FHDC1: variants seen among roughly 807,000 people sequenced by gnomAD.
FHDC1 encodes the protein FH2 domain-containing protein 1.
In FHDC1, 25 loss-of-function variants were observed where a neutral mutation model predicts 52.6. The ratio of observed to expected loss-of-function variants is 0.48; its 90% CI spans 0.35 to 0.66. The LOEUF (loss-of-function observed/expected upper bound fraction) is 0.66. FHDC1 is among the 30% of genes least tolerant of loss of function. FHDC1 has a pLI of 0.01. For synonymous variants in FHDC1, 616 were observed against 581.5 expected (o/e 1.06, Z -0.85); for missense variants, 1,459 against 1,452.8 (o/e 1.00, Z -0.07).
In FHDC1 at chr4:152,957,533, C is replaced by T. The variant is rs369688618; in HGVS notation, c.664-3032C>T. Among the ~76,000 whole-genome samples, 83 of 152,360 alleles carry T rather than the reference C, an allele frequency of 5.4e-4. 1 individual carries two copies. Among genetic ancestry groups the T allele is most frequent in the African/African-American group, 6.5e-4 (27 of 41,576 alleles). ...CCCAGTGTGGTTCTGCTGCACTCCA[C>T]TGCCTGCCTTGGAGGAAGGAAGGGC... is the stretch of plus-strand genomic sequence containing the variant. On this transcript the variant is annotated intron_variant, in intron 4 of 11. Coordinates refer to ENST00000511601, the MANE Select transcript of FHDC1 (RefSeq NM_001371116.1).
chr4:152,972,570 G>T, intron 11 of FHDC1, 29 bp downstream of exon 11: 1 of 1,580,514 alleles, frequency 6.3e-7, no homozygotes, highest in Non-Finnish European at 8.6e-7. Context: ...GTGTCTTGGG[G>T]TTGTTTGGAT....
chr4:152,917,465 A>G, the FHDC1 span, among the ~76,000 whole-genome samples: 1 of 152,200 alleles, frequency 6.6e-6, no homozygotes, highest in Non-Finnish European at 1.5e-5. Context: ...GCATTCCTCA[A>G]ATAAGTAAAG....
intron 4 of FHDC1, among the ~76,000 whole-genome samples, chr4:152,959,995 CG>C (rs1392204090): frequency 1.3e-5 from 2 of 152,148 alleles, no homozygotes; most frequent in Non-Finnish European, 2.9e-5. Context: ...AGAGCAGATG[CG>C]TACTCACCTG....
At chr4:152,919,944 C>CT in the FHDC1 span, among the ~76,000 whole-genome samples, 519 of 70,312 alleles carry the variant, frequency 7.4e-3, 26 homozygotes, top group Middle Eastern at 0.02. Flanking sequence ...TAGGGAAGTT[C>CT]TTTTTTTTTT....
At chr4:152,944,093 G>A (rs1739657193) in intron 2 of FHDC1, among the ~76,000 whole-genome samples, 1 of 152,140 alleles carries the variant, frequency 6.6e-6, no homozygotes, top group Non-Finnish European at 1.5e-5. Flanking sequence ...TATGGCCATT[G>A]GGGAACAGAG....
chr4:152,916,506 A>C, the FHDC1 span, among the ~76,000 whole-genome samples: 1 of 152,172 alleles, frequency 6.6e-6, no homozygotes, highest in Admixed American at 6.5e-5. Context: ...TTGTTGAAAT[A>C]AGTGGGTGGA....
chr4:152,939,926 A>G (rs1739529644), intron 1 of FHDC1, among the ~76,000 whole-genome samples: 2 of 152,130 alleles, frequency 1.3e-5, no homozygotes, highest in African/African-American at 4.8e-5. Context: ...GGCTAATCCC[A>G]TTGTCCCTAC....
intron 8 of FHDC1, 54 bp from the exon 9 acceptor site, chr4:152,964,851 T>G: frequency 6.9e-7 from 1 of 1,459,682 alleles, no homozygotes; most frequent in Non-Finnish European, 9.5e-7. Flanking sequence ...CTAAGAAAAT[T>G]ATTTCCTTCC....
chr4:152,946,529 C>G (rs553092851), intron 2 of FHDC1, among the ~76,000 whole-genome samples: 1 of 152,194 alleles, frequency 6.6e-6, no homozygotes, highest in Non-Finnish European at 1.5e-5. Flanking sequence ...GGGTTCTTGT[C>G]TAACAAAGAT....
At chr4:152,920,382 T>A in the FHDC1 span, among the ~76,000 whole-genome samples, 4 of 152,172 alleles carry the variant, frequency 2.6e-5, no homozygotes, top group Non-Finnish European at 5.9e-5. Context: ...AAAGGTAGAA[T>A]AGTATATGAC....
chr4:152,947,499 G>A (rs943247982), intron 2 of FHDC1, among the ~76,000 whole-genome samples: 3 of 152,144 alleles, frequency 2.0e-5, no homozygotes, highest in Non-Finnish European at 4.4e-5. Context: ...CAGGCCCCCT[G>A]GGAGCCTTCC....
intron 4 of FHDC1, among the ~76,000 whole-genome samples, chr4:152,957,338 A>G (rs750805536): frequency 6.6e-6 from 1 of 152,158 alleles, no homozygotes; most frequent in Non-Finnish European, 1.5e-5. Flanking sequence ...AATCATAGCT[A>G]TGATTCTTTT....
At chr4:152,970,925 C>G (rs1382325169) in intron 10 of FHDC1, among the ~76,000 whole-genome samples, 1 of 152,196 alleles carries the variant, frequency 6.6e-6, no homozygotes, top group Non-Finnish European at 1.5e-5. Context: ...AAGTGGGCAA[C>G]TTTAGCTTTA....
In FHDC1 at chr4:152,975,968, A is replaced by C. The variant is rs1291492138; in HGVS notation, c.2677A>C (p.Thr893Pro). ...SQGAVAKSVRTLTASENESMR... is the reference protein window; with the variant it reads ...SQGAVAKSVRPLTASENESMR... The stretch of plus-strand genomic sequence containing the variant: ...GGGGGCAGTGGCCAAGTCTGTGCGG[A>C]CCCTGACCGCCTCAGAGAACGAGAG... Residue 893 changes from threonine to proline, a missense_variant, in exon 12 of 12, where the codon ACC becomes CCC. Transcript: ENST00000511601. 6.6e-7 allele frequency: 1 copy of C among 1,522,588 alleles called. No homozygotes were observed. The highest frequency in any genetic ancestry group is 8.8e-7 in the Non-Finnish European group (1 of 1,137,734). The allele number at this position is 1,522,588 out of a possible 1,614,324, so 94.3% of individuals were successfully genotyped here. A position where few individuals can be genotyped will look rare whatever the true frequency, so the allele number is the denominator to read the frequency against.
Position 152,976,139 on chromosome 4 carries a change from A to G in FHDC1, c.2848A>G (p.Thr950Ala), listed in dbSNP as rs1161454521. 2.5e-6 allele frequency: 4 copies of G among 1,611,636 alleles called. No individual in the cohort carries two copies. The highest frequency in any genetic ancestry group is 4.5e-5 in the East Asian group (2 of 44,838). Residue 950 changes from threonine (T) to alanine (A), a missense_variant, in exon 12 of 12, where the codon ACA (threonine) becomes GCA (alanine). Coordinates refer to ENST00000511601, the MANE Select transcript of FHDC1 (RefSeq NM_001371116.1). Reference sequence around the variant, plus strand: ...CCAGAACTCCGTGCGGAGGGCCTCCACAGGCGCCGAAGAGCAGAGGCTGCC... The same window carrying G: ...CCAGAACTCCGTGCGGAGGGCCTCCGCAGGCGCCGAAGAGCAGAGGCTGCC... ...SRQNSVRRAS[T>A]GAEEQRLPRG...
chr4:152,938,080 C>G (rs1246821900), intron 1 of FHDC1, among the ~76,000 whole-genome samples: 1 of 152,158 alleles, frequency 6.6e-6, no homozygotes, highest in Non-Finnish European at 1.5e-5. Context: ...GAAACGACCT[C>G]CGGGATTCGG....
chr4:152,955,175 T>C (rs1385259984), intron 4 of FHDC1, among the ~76,000 whole-genome samples: 1 of 152,212 alleles, frequency 6.6e-6, no homozygotes, highest in Non-Finnish European at 1.5e-5. Flanking sequence ...GGTAAACTGT[T>C]AATAAAATCT....
At position 152,972,457 on chromosome 4, in the gene FHDC1, C is replaced by T. The variant is rs1379218817; in HGVS notation, c.1299C>T (p.Phe433=). The change falls in exon 11 of 12, where the codon TTC becomes TTT. Residue 433 remains phenylalanine, a synonymous_variant. Coordinates refer to ENST00000511601, the MANE Select transcript of FHDC1 (RefSeq NM_001371116.1). ...QDEAYTLIDF[F]CEDKKTMKLD... Reference sequence around the variant, plus strand: ...AGGCCTACACCCTTATAGATTTTTTCTGTGAAGACAAAAAAACCATGAAAC... The same window carrying T: ...AGGCCTACACCCTTATAGATTTTTTTTGTGAAGACAAAAAAACCATGAAAC... 6.2e-7 allele frequency: 1 copy of T among 1,613,662 alleles called. No homozygotes were observed.
chr4:152,947,779 A>C, intron 2 of FHDC1, among the ~76,000 whole-genome samples: 1 of 151,962 alleles, frequency 6.6e-6, no homozygotes, highest in East Asian at 1.9e-4. Context: ...GGAAATAAGT[A>C]AAGTGGCTAA....
Sources: allele counts gnomAD v4.1 joint callset (sites outside exome capture counted in the v4.1 genomes callset), GRCh38; gene constraint gnomAD v4.1.1; transcripts MANE v1.5; gene names NCBI Gene and HGNC (gene_info 2026-07-23, HGNC 2026-07-21).